SP100: variants seen among roughly 807,000 people sequenced by gnomAD.
The protein encoded by SP100 is nuclear autoantigen Sp-100.
In SP100, 84 loss-of-function variants were observed where a neutral mutation model predicts 130.0. The ratio of observed to expected loss-of-function variants is 0.65; its 90% CI spans 0.54 to 0.77. SP100 has a LOEUF of 0.77. Among genes scored for constraint, SP100 ranks in the 30% least tolerant of loss-of-function variants. The pLI is 0.00. For missense variants in SP100, 978 were observed against 1,052.2 expected, an observed-to-expected ratio of 0.93 and a Z score of 0.97; for synonymous variants, 331 against 351.7, an observed-to-expected ratio of 0.94 and a Z score of 0.66.
chr2:230,458,410 G>A (rs1437099105), intron 8 of SP100, among the ~76,000 whole-genome samples: 1 of 152,182 alleles, frequency 6.6e-6, no homozygotes, highest in Admixed American at 6.5e-5. Flanking sequence ...GAGAGGAGGG[G>A]TTGGCCTTGC....
At chr2:230,461,108 C>A (rs1281954383) in intron 8 of SP100, among the ~76,000 whole-genome samples, 154 bp from the exon 9 acceptor site, 1 of 151,780 alleles carries the variant, frequency 6.6e-6, no homozygotes, top group Non-Finnish European at 1.5e-5. Flanking sequence ...AAGAGAGGCA[C>A]AAAGGAAGGG....
intron 5 of SP100, among the ~76,000 whole-genome samples, chr2:230,447,540 T>C (rs7581933): frequency 2.6e-4 from 39 of 152,324 alleles, no homozygotes; most frequent in South Asian, 1.4e-3. Context: ...AAGCCCTTCA[T>C]TGGCTTTCAT....
At chr2:230,528,743 G>C (rs1362600408) in intron 24 of SP100, among the ~76,000 whole-genome samples, 3 of 152,106 alleles carry the variant, frequency 2.0e-5, no homozygotes, top group Non-Finnish European at 4.4e-5. Flanking sequence ...TGATACAGGG[G>C]ATATCACCAC....
intron 19 of SP100, among the ~76,000 whole-genome samples, chr2:230,501,476 G>T (rs990346780): frequency 2.6e-5 from 4 of 152,114 alleles, no homozygotes; most frequent in African/African-American, 7.2e-5. Flanking sequence ...TTATCTTGAT[G>T]AAGTTAAAAA....
At chr2:230,475,740 C>T (rs938702419) in intron 17 of SP100, among the ~76,000 whole-genome samples, 5 of 152,152 alleles carry the variant, frequency 3.3e-5, no homozygotes, top group Admixed American at 6.5e-5. Context: ...GGTCCAGTTT[C>T]GTTTTTCTTC....
chr2:230,510,934 C>T (rs1380719617), intron 23 of SP100, 191 bp from the exon 24 acceptor site: 4 of 616,326 alleles, frequency 6.5e-6, no homozygotes, highest in East Asian at 2.8e-5. Context: ...TTGCATTGGG[C>T]CAAACTGTCA....
chr2:230,433,512 T>G (rs1380446519), intron 2 of SP100, among the ~76,000 whole-genome samples: 1 of 152,130 alleles, frequency 6.6e-6, no homozygotes. Context: ...TAGGATCAGC[T>G]TCTCAATTTC....
At chr2:230,503,240 A>C in intron 20 of SP100, 130 bp downstream of exon 20, 1 of 563,226 alleles carries the variant, frequency 1.8e-6, no homozygotes. Flanking sequence ...GTTGACCAGC[A>C]GTTCATTTTA....
chr2:230,544,490 A>G lies in SP100; in HGVS notation c.*1544A>G, dbSNP rs532142687. The stretch of plus-strand genomic sequence containing the variant: ...AAAAAGTGGGCAAAGGACATGAAAG[A>G]CACTTTTTTTTTTTAAGATGGAGTT... On this transcript the variant is annotated 3_prime_UTR_variant, in exon 29 of 29. Transcript: ENST00000340126. 2.0e-4 allele frequency among the ~76,000 whole-genome samples: 14 copies of G among 70,248 alleles called. No homozygotes were observed. In the East Asian group the frequency reaches 3.5e-3, roughly 17 times the overall value. 46.1% of individuals were successfully genotyped at this position (70,248 alleles called of 152,430 possible).
rs368340530 is a variant in SP100 at position 230,450,228 on chromosome 2, C to T, written c.793C>T (p.Pro265Ser). 1.2e-6 allele frequency: 2 copies of T among 1,613,496 alleles called. No individual in the cohort carries two copies. Among genetic ancestry groups the T allele is most frequent in the African/African-American group, 2.7e-5 (2 of 74,908 alleles). The change falls in exon 8 of 29, where the codon CCC (proline) becomes TCC (serine). Residue 265 changes from proline to serine, a missense_variant. Coordinates refer to ENST00000340126, the MANE Select transcript of SP100 (RefSeq NM_001080391.2). Reference protein sequence around the residue: ...VNNGDAGREMPCPLPCDEESP... With the variant: ...VNNGDAGREMSCPLPCDEESP... ...TAATGGGGATGCTGGAAGGGAGATG[C>T]CCTGCCCGTTGCCCTGTGATGAAGA...
chr2:230,438,458 A>G (rs568438985), intron 2 of SP100, among the ~76,000 whole-genome samples: 33 of 152,034 alleles, frequency 2.2e-4, no homozygotes, highest in African/African-American at 8.0e-4. Context: ...CCCAAGGTCC[A>G]TTGTATCATT....
intron 24 of SP100, among the ~76,000 whole-genome samples, chr2:230,522,708 T>C (rs1691233785): frequency 5.3e-5 from 8 of 151,976 alleles, no homozygotes. Context: ...CAGGATGGTC[T>C]CAATCTCTTG....
chr2:230,474,778 T>C (rs1449875371), intron 17 of SP100, among the ~76,000 whole-genome samples: 1 of 152,186 alleles, frequency 6.6e-6, no homozygotes, highest in Non-Finnish European at 1.5e-5. Flanking sequence ...AGTAAGAACA[T>C]GCAGTATTTG....
At chr2:230,460,577 A>C (rs1220729259) in intron 8 of SP100, among the ~76,000 whole-genome samples, 1 of 136,224 alleles carries the variant, frequency 7.3e-6, no homozygotes, top group South Asian at 2.6e-4. Flanking sequence ...TGTCTGGGGT[A>C]TTGGTAATCT....
chr2:230,459,590 T>C (rs2064475097), intron 8 of SP100, among the ~76,000 whole-genome samples: 1 of 152,236 alleles, frequency 6.6e-6, no homozygotes, highest in Non-Finnish European at 1.5e-5. Flanking sequence ...GCATCTGTCA[T>C]CTATTGCTGT....
intron 17 of SP100, among the ~76,000 whole-genome samples, chr2:230,485,634 C>T (rs2066044209): frequency 6.6e-6 from 1 of 152,062 alleles, no homozygotes; most frequent in African/African-American, 2.4e-5. Context: ...TACATGGTCC[C>T]TGATTTCTTT....
intron 24 of SP100, chr2:230,515,563 A>C (rs78590451): frequency 6.3e-7 from 1 of 1,598,712 alleles, no homozygotes; most frequent in South Asian, 1.1e-5. Flanking sequence ...GGCTGAAAAA[A>C]GCAAGAAAAA....
intron 2 of SP100, among the ~76,000 whole-genome samples, chr2:230,436,311 T>C (rs1282056451): frequency 1.3e-5 from 2 of 152,196 alleles, no homozygotes; most frequent in African/African-American, 2.4e-5. Flanking sequence ...TTTCTATTCA[T>C]ACTCTCATAT....
intron 24 of SP100, chr2:230,537,949 G>C (rs929254784): frequency 2.6e-5 from 4 of 152,314 alleles, no homozygotes; most frequent in Non-Finnish European, 5.9e-5. Context: ...GTGAGAGGCA[G>C]AGCCCAAGGC....
Sources: allele counts gnomAD v4.1 joint callset (sites outside exome capture counted in the v4.1 genomes callset), GRCh38; gene constraint gnomAD v4.1.1; transcripts MANE v1.5; gene names NCBI Gene and HGNC (gene_info 2026-07-23, HGNC 2026-07-21).